GRIA4: variants seen among roughly 807,000 people sequenced by gnomAD.
GRIA4 encodes glutamate receptor 4.
GRIA4 carries 34 observed loss-of-function variants against 104.0 expected under a neutral mutation model. That is an observed-to-expected ratio of 0.33 (90% confidence interval 0.25 to 0.44). The LOEUF (loss-of-function observed/expected upper bound fraction) is 0.44, where lower values mean the gene tolerates loss of function less well. GRIA4 is among the 20% of genes least tolerant of loss of function. GRIA4 has a pLI of 1.00. For missense variants in GRIA4, 750 were observed against 1,096.5 expected (o/e 0.68, Z 4.46); for synonymous variants, 386 against 381.9 (o/e 1.01, Z -0.13).
intron 14 of GRIA4, among the ~76,000 whole-genome samples, chr11:105,951,453 C>T (rs1163607947): frequency 6.6e-6 from 1 of 152,172 alleles, no homozygotes; most frequent in African/African-American, 2.4e-5. Flanking sequence ...TAGGCATGGT[C>T]TCATTTGAAA....
intron 3 of GRIA4, among the ~76,000 whole-genome samples, chr11:105,618,231 G>A (rs1591445733): frequency 3.9e-5 from 6 of 151,938 alleles, no homozygotes; most frequent in Admixed American, 3.9e-4. Context: ...AATACAAAGA[G>A]GGACCCATAA....
intron 4 of GRIA4, among the ~76,000 whole-genome samples, chr11:105,811,938 C>G (rs943210449): frequency 2.0e-5 from 3 of 152,178 alleles, no homozygotes; most frequent in African/African-American, 7.2e-5. Flanking sequence ...GTTCCTACCC[C>G]TGAGTTTCAC....
intron 3 of GRIA4, among the ~76,000 whole-genome samples, chr11:105,672,207 C>A (rs1404614839): frequency 6.6e-6 from 1 of 152,090 alleles, no homozygotes; most frequent in Non-Finnish European, 1.5e-5. Flanking sequence ...TTCAGGATTG[C>A]ATTCAATTAA....
intron 4 of GRIA4, among the ~76,000 whole-genome samples, chr11:105,766,346 G>T (rs1286703875): frequency 2.0e-5 from 3 of 152,138 alleles, no homozygotes; most frequent in African/African-American, 7.2e-5. Flanking sequence ...CAAGCATTTA[G>T]AATTTTCTAC....
At chr11:105,714,748 C>T (rs1452784403) in intron 3 of GRIA4, among the ~76,000 whole-genome samples, 2 of 151,902 alleles carry the variant, frequency 1.3e-5, no homozygotes, top group Admixed American at 6.6e-5. Flanking sequence ...TTATACTGAA[C>T]AGAATAATTA....
At chr11:105,631,140 A>G (rs1016150909) in intron 3 of GRIA4, among the ~76,000 whole-genome samples, 1 of 152,212 alleles carries the variant, frequency 6.6e-6, no homozygotes, top group Non-Finnish European at 1.5e-5. Context: ...CACTCTAAGG[A>G]CATAGGTCTC....
chr11:105,675,213 G>T (rs182707026), intron 3 of GRIA4, among the ~76,000 whole-genome samples: 2 of 151,748 alleles, frequency 1.3e-5, no homozygotes, highest in Admixed American at 6.6e-5. Flanking sequence ...ATGGGAAACT[G>T]CTTCCCCCTC....
In GRIA4 at chr11:105,663,133, A is replaced by G. The variant is rs186089628; in HGVS notation, c.247+50699A>G. ...TGTTTTAAAAAGGACAACTGTCTTAAAAAATATAACTTTATATCAAGTTCA... is the reference window on the plus strand; with the variant it reads ...TGTTTTAAAAAGGACAACTGTCTTAGAAAATATAACTTTATATCAAGTTCA... On this transcript the variant is annotated intron_variant, in intron 3 of 16. Coordinates refer to ENST00000282499, the MANE Select transcript of GRIA4 (RefSeq NM_000829.4). Among the ~76,000 whole-genome samples the G allele has an allele frequency of 1.1e-3, 160 of 151,858 alleles. 3 individuals carry two copies. The highest frequency in any genetic ancestry group is 8.3e-3 in the South Asian group (40 of 4,810).
intron 3 of GRIA4, among the ~76,000 whole-genome samples, chr11:105,739,304 T>A (rs1939165931): frequency 6.6e-6 from 1 of 152,130 alleles, no homozygotes; most frequent in East Asian, 1.9e-4. Flanking sequence ...GAGCTCTCAA[T>A]TAGTTTAATT....
intron 4 of GRIA4, among the ~76,000 whole-genome samples, chr11:105,851,979 T>C (rs1024426207): frequency 6.6e-6 from 1 of 152,136 alleles, no homozygotes; most frequent in African/African-American, 2.4e-5. Flanking sequence ...TGGCCTGAAA[T>C]GTAGGAAATG....
At chr11:105,963,718 G>A (rs1740402746) in intron 14 of GRIA4, among the ~76,000 whole-genome samples, 1 of 152,060 alleles carries the variant, frequency 6.6e-6, no homozygotes, top group Non-Finnish European at 1.5e-5. Context: ...CAATGTTTTA[G>A]AATAATTTTG....
At chr11:105,830,572 T>C (rs948404716) in intron 4 of GRIA4, among the ~76,000 whole-genome samples, 1 of 151,942 alleles carries the variant, frequency 6.6e-6, no homozygotes, top group African/African-American at 2.4e-5. Flanking sequence ...TCTCAGCAGG[T>C]TTTCTGGTCT....
At chr11:105,644,529 G>A (rs1165775669) in intron 3 of GRIA4, among the ~76,000 whole-genome samples, 1 of 152,082 alleles carries the variant, frequency 6.6e-6, no homozygotes, top group African/African-American at 2.4e-5. Context: ...GCTTGAACCT[G>A]GGAGATGGAG....
At chr11:105,880,763 C>G (rs78474158) in intron 5 of GRIA4, among the ~76,000 whole-genome samples, 211 of 152,172 alleles carry the variant, frequency 1.4e-3, no homozygotes, top group Middle Eastern at 3.4e-3. Flanking sequence ...AGACAGTAAA[C>G]CTTTTTCAAC....
chr11:105,931,265 TACACACACAC>T lies in GRIA4; in HGVS notation c.2047-2428_2047-2419del, dbSNP rs373334457. Among the ~76,000 whole-genome samples the T allele has an allele frequency of 5.9e-3, 849 of 143,780 alleles. 6 individuals carry two copies. The highest frequency in any genetic ancestry group is 0.02 in the African/African-American group (771 of 39,430). 94.3% of individuals were successfully genotyped at this position (143,780 alleles called of 152,430 possible). A position where few individuals can be genotyped will look rare whatever the true frequency, so the allele number is the denominator to read the frequency against. ...CAGAAGTATCCTGTCATTGCCTAAATACACACACACACACACACACACACACACACACACA... is the reference window on the plus strand; with the variant it reads ...CAGAAGTATCCTGTCATTGCCTAAATACACACACACACACACACACACACA... On this transcript the variant is annotated intron_variant, in intron 13 of 16. Transcript: ENST00000282499.
chr11:105,803,144 T>A (rs1324934570), intron 4 of GRIA4, among the ~76,000 whole-genome samples: 1 of 151,992 alleles, frequency 6.6e-6, no homozygotes, highest in Non-Finnish European at 1.5e-5. Flanking sequence ...CCAAGCACAC[T>A]GCTTGTATAA....
intron 3 of GRIA4, among the ~76,000 whole-genome samples, chr11:105,720,401 C>A (rs957190851): frequency 2.6e-5 from 4 of 152,002 alleles, no homozygotes; most frequent in African/African-American, 7.2e-5. Context: ...AAATGGAAAT[C>A]TTTCTTGTAT....
chr11:105,820,016 CCAAGCCAA>C (rs1318210401), intron 4 of GRIA4, among the ~76,000 whole-genome samples: 3 of 152,080 alleles, frequency 2.0e-5, no homozygotes, highest in Non-Finnish European at 4.4e-5. Flanking sequence ...TTATACTACT[CCAAGCCAA>C]AAAATGACAA....
In GRIA4 at chr11:105,610,967, A is replaced by G. The variant is rs1354139382; in HGVS notation, c.-31A>G. The G allele has an allele frequency of 7.1e-7, 1 of 1,411,696 alleles. No individual in the cohort carries two copies. Among genetic ancestry groups the G allele is most frequent in the Non-Finnish European group, 1.0e-6 (1 of 1,000,256 alleles). The allele number at this position is 1,411,696 out of a possible 1,614,324, so 87.4% of individuals were successfully genotyped here. On this transcript the variant is annotated 5_prime_UTR_variant, in exon 2 of 17. Coordinates refer to ENST00000282499, the MANE Select transcript of GRIA4 (RefSeq NM_000829.4). ...TAGGAAGAGTGCGAGAGAAAGAGAG[A>G]GAGCGCGCGCCAGGGAGAGGAGAAA...
Sources: gnomAD v4.1 joint callset for allele counts (sites outside exome capture counted in the v4.1 genomes callset) on GRCh38, gnomAD v4.1.1 for gene constraint, MANE v1.5 for transcripts, NCBI Gene and HGNC (gene_info 2026-07-23, HGNC 2026-07-21) for gene names.